The following CRISP2 variants were observed in gnomAD, a reference collection of about 807,000 sequenced individuals.
CRISP2 encodes the protein cysteine-rich secretory protein 2.
A neutral mutation model predicts 31.7 loss-of-function variants in CRISP2; 29 were observed. That is an observed-to-expected ratio of 0.92 (90% confidence interval 0.68 to 1.25). The LOEUF (loss-of-function observed/expected upper bound fraction) is 1.25. CRISP2 is among the 50% of genes most tolerant of loss of function. The probability of loss-of-function intolerance (pLI) is 0.00; values close to 1 mark genes in which losing one functional copy is unlikely to be tolerated. For synonymous variants in CRISP2, 111 were observed against 101.4 expected (o/e 1.09, Z -0.57); for missense variants, 318 against 286.5 (o/e 1.11, Z -0.79).
intron 4 of CRISP2, among the ~76,000 whole-genome samples, chr6:49,705,559 A>C (rs923153840): frequency 2.6e-5 from 4 of 151,974 alleles, no homozygotes; most frequent in African/African-American, 9.7e-5. Flanking sequence ...AAAAATTTGC[A>C]CTTGGTCAAA....
At chr6:49,696,019 G>T (rs1450778038) in intron 8 of CRISP2, 95 bp from the exon 9 acceptor site, 2 of 678,434 alleles carry the variant, frequency 2.9e-6, no homozygotes, top group Non-Finnish European at 4.8e-6. Context: ...AGTTATTCAG[G>T]GTTTTTAGTA....
At chr6:49,697,191 G>A (rs360555) in intron 8 of CRISP2, among the ~76,000 whole-genome samples, 2 of 151,944 alleles carry the variant, frequency 1.3e-5, no homozygotes, top group African/African-American at 4.8e-5. Context: ...ATATCCATAG[G>A]ATTTATTGTG....
downstream of CRISP2, among the ~76,000 whole-genome samples, chr6:49,688,537 C>A (rs1763955087): frequency 6.6e-6 from 1 of 151,842 alleles, no homozygotes; most frequent in South Asian, 2.1e-4. Context: ...AAGGTACAGG[C>A]CAAAAAGCCA....
intron 4 of CRISP2, among the ~76,000 whole-genome samples, chr6:49,703,940 A>T (rs2127420470): frequency 6.6e-6 from 1 of 152,272 alleles, no homozygotes; most frequent in Non-Finnish European, 1.5e-5. Context: ...TTATTCCCTC[A>T]AATAAGTTTT....
intron 4 of CRISP2, among the ~76,000 whole-genome samples, chr6:49,704,304 G>T (rs969725381): frequency 6.6e-6 from 1 of 151,724 alleles, no homozygotes; most frequent in Admixed American, 6.6e-5. Flanking sequence ...CCTTTCTCTG[G>T]TTCCTCCTTG....
chr6:49,710,992 A>C (rs1324806726), intron 3 of CRISP2, among the ~76,000 whole-genome samples: 2 of 152,078 alleles, frequency 1.3e-5, no homozygotes, highest in African/African-American at 4.8e-5. Flanking sequence ...AAAACAAAAC[A>C]TAATTAGCTG....
chr6:49,703,286 G>T (rs1448929002), intron 4 of CRISP2, among the ~76,000 whole-genome samples: 1 of 151,476 alleles, frequency 6.6e-6, no homozygotes, highest in Non-Finnish European at 1.5e-5. Context: ...GTTTTGTTTT[G>T]CTTTGGCTAT....
chr6:49,700,678 A>G lies in CRISP2; in HGVS notation c.173T>C (p.Met58Thr), dbSNP rs1377263520. The G allele has an allele frequency of 6.2e-7, 1 of 1,602,676 alleles. No individual in the cohort carries two copies. Among genetic ancestry groups the G allele is most frequent in the South Asian group, 1.1e-5 (1 of 90,722 alleles). The change falls in exon 5 of 10, where the codon ATG (methionine) becomes ACG (threonine). Residue 58 changes from methionine to threonine, a missense_variant. Coordinates refer to ENST00000339139, the MANE Select transcript of CRISP2 (RefSeq NM_003296.4). ...RKAVSPPASN[M>T]LKMEWSREVT... is the part of the protein sequence containing the mutation. ...AGCACTGCCTCTTACCATCTTTAGC[A>G]TGTTACTGGCAGGTGGAGAGACTGC...
At chr6:49,700,809 A>T in intron 4 of CRISP2, 25 bp from the exon 5 acceptor site, 3 of 1,357,968 alleles carry the variant, frequency 2.2e-6, no homozygotes, top group Non-Finnish European at 3.2e-6. Flanking sequence ...AATTGGAATT[A>T]TTATTTAACA....
intron 3 of CRISP2, among the ~76,000 whole-genome samples, chr6:49,709,624 C>A (rs778432502): frequency 1.3e-5 from 2 of 152,118 alleles, no homozygotes; most frequent in African/African-American, 2.4e-5. Flanking sequence ...CTATTCTATA[C>A]GAAAAGTAAA....
At chr6:49,707,192 T>C (rs1039058587) in intron 4 of CRISP2, among the ~76,000 whole-genome samples, 2 of 152,170 alleles carry the variant, frequency 1.3e-5, no homozygotes, top group Non-Finnish European at 2.9e-5. Context: ...ATAAAATAAA[T>C]ATGGTATCTA....
At chr6:49,702,029 T>TA (rs1766066128) in intron 4 of CRISP2, among the ~76,000 whole-genome samples, 1 of 108,664 alleles carries the variant, frequency 9.2e-6, no homozygotes, top group African/African-American at 3.6e-5. Context: ...ACATTATATA[T>TA]GTATACATAT....
At chr6:49,700,466 A>G (rs1313024549) in intron 5 of CRISP2, among the ~76,000 whole-genome samples, 1 of 152,220 alleles carries the variant, frequency 6.6e-6, no homozygotes, top group African/African-American at 2.4e-5. Flanking sequence ...TCCAAATTTA[A>G]AAACTCTGTA....
At chr6:49,707,194 T>C (rs1435736718) in intron 4 of CRISP2, among the ~76,000 whole-genome samples, 1 of 152,188 alleles carries the variant, frequency 6.6e-6, no homozygotes, top group African/African-American at 2.4e-5. Context: ...AAAATAAATA[T>C]GGTATCTATC....
rs935520795 is a variant in CRISP2, at chr6:49,698,379, C to G, written c.400G>C (p.Val134Leu). The G allele has an allele frequency of 1.2e-6, 2 of 1,613,120 alleles. No homozygotes were observed. Among genetic ancestry groups the G allele is most frequent in the African/African-American group, 2.7e-5 (2 of 74,864 alleles). The change falls in exon 7 of 10, where the codon GTT (valine) becomes CTT (leucine). Residue 134 changes from valine to leucine, a missense_variant. Transcript: ENST00000339139. ...GVGPKSPNAV[V>L]GHYTQLVWYS... ...CTTCTTACCTGAGTATAATGTCCAA[C>G]AACTGCATTGGGACTCTTTGGTCCT...
the CRISP2 span, among the ~76,000 whole-genome samples, chr6:49,680,085 T>C: frequency 6.6e-6 from 1 of 152,106 alleles, no homozygotes; most frequent in South Asian, 2.1e-4. Flanking sequence ...GTTGTACAGA[T>C]TATTTCATCA....
At chr6:49,707,861 T>C (rs1017954858) in intron 4 of CRISP2, among the ~76,000 whole-genome samples, 6 of 152,176 alleles carry the variant, frequency 3.9e-5, no homozygotes, top group African/African-American at 1.4e-4. Context: ...TCACTGAAGA[T>C]TGCTGACCAT....
chr6:49,682,577 CTTTCTTTCTTTTTCTT>C, the CRISP2 span, among the ~76,000 whole-genome samples: 19 of 97,950 alleles, frequency 1.9e-4, no homozygotes, highest in South Asian at 2.2e-3. Flanking sequence ...CTTTCTTTTT[CTTTCTTTCTTTTTCTT>C]TCTTTCTTTC....
chr6:49,700,282 C>T (rs937723566), intron 5 of CRISP2, among the ~76,000 whole-genome samples: 3 of 152,096 alleles, frequency 2.0e-5, no homozygotes, highest in Non-Finnish European at 4.4e-5. Context: ...GCTTTCATAT[C>T]GGAGATACCA....
Sources: allele counts gnomAD v4.1 joint callset (sites outside exome capture counted in the v4.1 genomes callset), GRCh38; gene constraint gnomAD v4.1.1; transcripts MANE v1.5; gene names NCBI Gene and HGNC (gene_info 2026-07-23, HGNC 2026-07-21).